LRFN5: variants seen among roughly 807,000 people sequenced by gnomAD.
LRFN5 encodes the protein leucine-rich repeat and fibronectin type-III domain-containing protein 5.
In LRFN5, 24 loss-of-function variants were observed where a neutral mutation model predicts 45.6. The observed-to-expected ratio is 0.53, with a 90% CI of 0.38 to 0.74. The LOEUF (loss-of-function observed/expected upper bound fraction) is 0.74, where lower values mean the gene tolerates loss of function less well. Ranked by LOEUF, LRFN5 falls within the 30% of genes least tolerant of loss-of-function variation. The probability of loss-of-function intolerance (pLI) is 0.00; values close to 1 mark genes in which losing one functional copy is unlikely to be tolerated. For missense variants in LRFN5, 776 were observed against 861.5 expected, an observed-to-expected ratio of 0.90 and a Z score of 1.24; for synonymous variants, 340 against 313.8, an observed-to-expected ratio of 1.08 and a Z score of -0.88.
At chr14:41,827,606 C>A (rs912007110) in intron 2 of LRFN5, among the ~76,000 whole-genome samples, 7 of 151,764 alleles carry the variant, frequency 4.6e-5, no homozygotes, top group African/African-American at 1.5e-4. Context: ...TTCTGGGCAC[C>A]ATCTGATATT....
chr14:41,849,463 G>C (rs2139071939), intron 2 of LRFN5, among the ~76,000 whole-genome samples: 1 of 151,620 alleles, frequency 6.6e-6, no homozygotes, highest in Admixed American at 6.6e-5. Flanking sequence ...ACAAAAGTGG[G>C]AGGCTCTTTT....
intron 2 of LRFN5, among the ~76,000 whole-genome samples, chr14:41,784,089 C>T (rs897217615): frequency 6.6e-6 from 1 of 152,040 alleles, no homozygotes; most frequent in Non-Finnish European, 1.5e-5. Flanking sequence ...AATTGACTTA[C>T]CATTCTATTA....
At chr14:41,670,959 A>G (rs1428947432) in intron 1 of LRFN5, among the ~76,000 whole-genome samples, 5 of 152,068 alleles carry the variant, frequency 3.3e-5, no homozygotes, top group Non-Finnish European at 7.4e-5. Context: ...TTTGAGGACA[A>G]CAATGTTAGC....
At chr14:41,627,950 G>A (rs547373292) in intron 1 of LRFN5, among the ~76,000 whole-genome samples, 68 of 152,218 alleles carry the variant, frequency 4.5e-4, no homozygotes, top group African/African-American at 1.6e-3. Context: ...TGATGACTGA[G>A]GGAATTAATT....
chr14:41,848,583 C>A (rs1889150931), intron 2 of LRFN5, among the ~76,000 whole-genome samples: 1 of 151,836 alleles, frequency 6.6e-6, no homozygotes, highest in South Asian at 2.1e-4. Flanking sequence ...AAAGTCCTTA[C>A]CAACCTCCAA....
At chr14:41,799,627 A>G (rs1887255968) in intron 2 of LRFN5, among the ~76,000 whole-genome samples, 1 of 151,674 alleles carries the variant, frequency 6.6e-6, no homozygotes, top group South Asian at 2.1e-4. Flanking sequence ...TTGTTAATGT[A>G]TTTTTCTGTT....
chr14:41,623,533 T>C (rs79362347), intron 1 of LRFN5, among the ~76,000 whole-genome samples: 2,156 of 152,236 alleles, frequency 0.014, 38 homozygotes, highest in African/African-American at 0.049. Flanking sequence ...AACACACCTC[T>C]GTTTTGTAGG....
At chr14:41,875,229 T>C (rs1890148563) in intron 2 of LRFN5, among the ~76,000 whole-genome samples, 1 of 152,256 alleles carries the variant, frequency 6.6e-6, no homozygotes, top group Non-Finnish European at 1.5e-5. Context: ...TCCCACTTAC[T>C]TCTGCACATG....
At chr14:41,748,292 A>T (rs1214274529) in intron 1 of LRFN5, among the ~76,000 whole-genome samples, 1 of 152,132 alleles carries the variant, frequency 6.6e-6, no homozygotes, top group Non-Finnish European at 1.5e-5. Context: ...TAGCAGACAA[A>T]TGGCTAAGGT....
At chr14:41,651,164 A>G (rs908338174) in intron 1 of LRFN5, among the ~76,000 whole-genome samples, 1 of 152,144 alleles carries the variant, frequency 6.6e-6, no homozygotes, top group African/African-American at 2.4e-5. Context: ...AAGGGAGCAA[A>G]TTGTGTATAT....
At chr14:41,732,573 A>G (rs1884225743) in intron 1 of LRFN5, among the ~76,000 whole-genome samples, 1 of 152,204 alleles carries the variant, frequency 6.6e-6, no homozygotes, top group African/African-American at 2.4e-5. Flanking sequence ...GAGACAGCCT[A>G]CAACAATCAA....
intron 5 of LRFN5, among the ~76,000 whole-genome samples, chr14:41,902,744 C>T (rs1053730612): frequency 5.3e-5 from 8 of 151,734 alleles, no homozygotes; most frequent in Non-Finnish European, 5.9e-5. Flanking sequence ...TCTAGGTGTA[C>T]TGCAACTTTT....
At chr14:41,740,358 T>C (rs58415469) in intron 1 of LRFN5, among the ~76,000 whole-genome samples, 25,180 of 151,922 alleles carry the variant, frequency 0.17, 2,174 homozygotes, top group Admixed American at 0.19. Flanking sequence ...AAATGAGATT[T>C]ATTCCACAAG....
At chr14:41,715,759 C>G (rs897839615) in intron 1 of LRFN5, among the ~76,000 whole-genome samples, 1 of 152,116 alleles carries the variant, frequency 6.6e-6, no homozygotes, top group African/African-American at 2.4e-5. Flanking sequence ...TGCAAGCTGT[C>G]GTTGGATCTA....
intron 2 of LRFN5, among the ~76,000 whole-genome samples, chr14:41,814,227 T>G (rs1315670345): frequency 6.6e-6 from 1 of 152,180 alleles, no homozygotes; most frequent in Non-Finnish European, 1.5e-5. Flanking sequence ...AGTCATGAAT[T>G]CTTTGCTTAT....
intron 2 of LRFN5, among the ~76,000 whole-genome samples, chr14:41,807,994 T>C (rs1481583587): frequency 2.6e-5 from 4 of 151,620 alleles, no homozygotes; most frequent in African/African-American, 9.7e-5. Context: ...TATTTGGTGA[T>C]TTAAAATGTG....
Position 41,731,162 on chromosome 14 carries a change from A to C in LRFN5, c.-196-35692A>C, listed in dbSNP as rs74319525. Reference sequence around the variant, plus strand: ...TAGGACCAAAGTCTCATCACACACCAACTGTAGGTCTTCGTCACTCTATTT... The same window carrying C: ...TAGGACCAAAGTCTCATCACACACCCACTGTAGGTCTTCGTCACTCTATTT... On this transcript the variant is annotated intron_variant, in intron 1 of 5. Coordinates refer to ENST00000298119, the MANE Select transcript of LRFN5 (RefSeq NM_152447.5). 9.9e-3 allele frequency among the ~76,000 whole-genome samples: 1,505 copies of C among 152,264 alleles called. 8 individuals carry two copies. The highest frequency in any genetic ancestry group is 0.015 in the East Asian group (78 of 5,182).
chr14:41,860,810 T>G (rs1889634667), intron 2 of LRFN5, among the ~76,000 whole-genome samples: 1 of 152,136 alleles, frequency 6.6e-6, no homozygotes. Flanking sequence ...ACATAGGACT[T>G]CTTTAGCAGA....
At chr14:41,815,237 A>C (rs765147612) in intron 2 of LRFN5, among the ~76,000 whole-genome samples, 9 of 152,094 alleles carry the variant, frequency 5.9e-5, no homozygotes, top group Non-Finnish European at 1.0e-4. Context: ...AGGTACATGC[A>C]TGTTAATAAT....
Sources: allele counts gnomAD v4.1 joint callset (sites outside exome capture counted in the v4.1 genomes callset), GRCh38; gene constraint gnomAD v4.1.1; transcripts MANE v1.5; gene names NCBI Gene and HGNC (gene_info 2026-07-23, HGNC 2026-07-21).